The following CNIH3 variants were observed in gnomAD, a reference collection of about 807,000 sequenced individuals.
The protein encoded by CNIH3 is protein cornichon homolog 3.
Under a neutral mutation model 24.1 loss-of-function variants are expected in CNIH3, and 14 were observed. The observed-to-expected ratio is 0.58, with a 90% confidence interval of 0.38 to 0.91. The LOEUF (loss-of-function observed/expected upper bound fraction) is 0.91, where lower values mean the gene tolerates loss of function less well. CNIH3 is among the 40% of genes least tolerant of loss of function. CNIH3 has a pLI of 0.00. For missense variants in CNIH3, 178 were observed against 196.8 expected (o/e 0.90, Z 0.57); for synonymous variants, 68 against 73.8 (o/e 0.92, Z 0.40).
At chr1:224,507,649 C>T (rs1360902861) in intron 1 of CNIH3, among the ~76,000 whole-genome samples, 1 of 152,200 alleles carries the variant, frequency 6.6e-6, no homozygotes, top group African/African-American at 2.4e-5. Context: ...TTCATCTCTG[C>T]TCTGTTATCA....
chr1:224,596,851 G>C (rs778653544), intron 3 of CNIH3, among the ~76,000 whole-genome samples: 1 of 152,074 alleles, frequency 6.6e-6, no homozygotes, highest in Non-Finnish European at 1.5e-5. Flanking sequence ...ACAAAAGCAG[G>C]CATCAAAAAA....
intron 3 of CNIH3, among the ~76,000 whole-genome samples, chr1:224,713,812 T>A (rs1053318495): frequency 2.2e-4 from 33 of 152,228 alleles, no homozygotes; most frequent in African/African-American, 5.1e-4. Context: ...TTTTAAAATT[T>A]AAATTTAAAT....
chr1:224,737,699 C>T (rs973646080), intron 5 of CNIH3, among the ~76,000 whole-genome samples: 1 of 152,158 alleles, frequency 6.6e-6, no homozygotes, highest in Non-Finnish European at 1.5e-5. Flanking sequence ...AGTTTGAGCT[C>T]CCTGAGGGGC....
intron 3 of CNIH3, chr1:224,546,998 A>G: frequency 1.4e-6 from 1 of 739,816 alleles, no homozygotes; most frequent in Non-Finnish European, 1.6e-6. Flanking sequence ...AGTAATTGGT[A>G]GTGGTAAGAT....
chr1:224,444,689 G>T (rs933172255), intron 1 of CNIH3, among the ~76,000 whole-genome samples: 2 of 151,322 alleles, frequency 1.3e-5, no homozygotes, highest in African/African-American at 4.9e-5. Context: ...CTGTCACCCA[G>T]GCTGGAGTGC....
downstream of CNIH3, among the ~76,000 whole-genome samples, chr1:224,537,956 TA>T (rs200572572): frequency 1.3e-4 from 19 of 150,454 alleles, no homozygotes; most frequent in Non-Finnish European, 1.6e-4. Flanking sequence ...TTATTATTAT[TA>T]TTTTTTTTTT....
At chr1:224,700,085 C>T (rs182247193) in intron 3 of CNIH3, among the ~76,000 whole-genome samples, 19 of 152,254 alleles carry the variant, frequency 1.2e-4, no homozygotes, top group South Asian at 1.2e-3. Context: ...AGCCCATCAC[C>T]GCTGGACCAT....
intron 3 of CNIH3, among the ~76,000 whole-genome samples, chr1:224,549,032 A>G (rs1679813095): frequency 6.6e-6 from 1 of 152,114 alleles, no homozygotes; most frequent in East Asian, 1.9e-4. Flanking sequence ...ATAGTATCCC[A>G]TGGTGATACT....
intron 1 of CNIH3, among the ~76,000 whole-genome samples, chr1:224,476,311 A>C (rs1193098598): frequency 6.6e-6 from 1 of 152,222 alleles, no homozygotes; most frequent in Non-Finnish European, 1.5e-5. Context: ...CAGATAATAC[A>C]TCTAATATTC....
At chr1:224,540,190 C>T (rs1225810956), downstream of CNIH3, among the ~76,000 whole-genome samples, 1 of 152,208 alleles carries the variant, frequency 6.6e-6, no homozygotes, top group East Asian at 1.9e-4. Context: ...CATGGAAATG[C>T]AGCTGCACTC....
chr1:224,444,908 G>A (rs1675086329), intron 1 of CNIH3, among the ~76,000 whole-genome samples: 1 of 150,810 alleles, frequency 6.6e-6, no homozygotes, highest in Non-Finnish European at 1.5e-5. Context: ...CTCCCAAAGT[G>A]CTGGGATTAC....
intron 1 of CNIH3, among the ~76,000 whole-genome samples, chr1:224,492,335 T>C (rs1677265527): frequency 6.6e-6 from 1 of 152,212 alleles, no homozygotes; most frequent in African/African-American, 2.4e-5. Flanking sequence ...CTGTAAAGCA[T>C]AGTTCTTGTT....
intron 1 of CNIH3, among the ~76,000 whole-genome samples, chr1:224,502,945 A>T (rs1337004525): frequency 6.6e-6 from 1 of 151,270 alleles, no homozygotes; most frequent in South Asian, 2.1e-4. Context: ...AGGTGATGGG[A>T]TCGGAGCTTT....
At chr1:224,478,973 C>T (rs1370351812) in intron 1 of CNIH3, among the ~76,000 whole-genome samples, 1 of 151,946 alleles carries the variant, frequency 6.6e-6, no homozygotes, top group Non-Finnish European at 1.5e-5. Context: ...AAAGACCTGC[C>T]CGCATGATTC....
chr1:224,524,490 A>G (rs536282896), intron 2 of CNIH3, among the ~76,000 whole-genome samples: 2 of 152,330 alleles, frequency 1.3e-5, no homozygotes, highest in Admixed American at 1.3e-4. Flanking sequence ...CTATATACAG[A>G]TCACCTTGAT....
At position 224,523,595 on chromosome 1, in the gene CNIH3, T is replaced by G. The variant is rs189959196; in HGVS notation, n.343+2268T>G. Among the ~76,000 whole-genome samples the G allele has an allele frequency of 6.6e-5, 10 of 152,230 alleles. No homozygotes were observed. The East Asian group carries it at 1.9e-3, about 29-fold the overall frequency. On this transcript the variant is annotated intron_variant and non_coding_transcript_variant, in intron 2 of 2. Transcript: ENST00000470602. The stretch of plus-strand genomic sequence containing the variant: ...AAGAGGGGCTTCTGAGGTCCTGGTT[T>G]TGTTCTATTTCTCAACCTGGCGATG...
chr1:224,455,880 T>C (rs1675628264), intron 1 of CNIH3, among the ~76,000 whole-genome samples: 1 of 152,248 alleles, frequency 6.6e-6, no homozygotes, highest in South Asian at 2.1e-4. Flanking sequence ...TTGAACCTTA[T>C]GTTTGAAACA....
chr1:224,672,223 T>TG (rs1380918286), intron 1 of CNIH3, among the ~76,000 whole-genome samples: 1 of 151,958 alleles, frequency 6.6e-6, no homozygotes, highest in Admixed American at 6.6e-5. Context: ...CAGGAAGGTT[T>TG]GGGGGGAGTA....
intron 3 of CNIH3, among the ~76,000 whole-genome samples, chr1:224,716,172 C>G (rs1289538185): frequency 6.6e-6 from 1 of 152,224 alleles, no homozygotes; most frequent in African/African-American, 2.4e-5. Flanking sequence ...CCATCACCAT[C>G]TCTTGCCTGG....
Sources: allele counts gnomAD v4.1 joint callset (sites outside exome capture counted in the v4.1 genomes callset), GRCh38; gene constraint gnomAD v4.1.1; transcripts MANE v1.5; gene names NCBI Gene and HGNC (gene_info 2026-07-23, HGNC 2026-07-21).